Variants in RAB7A observed in about 807,000 individuals in gnomAD.
RAB7A encodes ras-related protein Rab-7a.
A neutral mutation model predicts 24.5 loss-of-function variants in RAB7A; 2 were observed. The ratio of observed to expected loss-of-function variants is 0.08; its 90% CI spans 0.03 to 0.26. The LOEUF is 0.26. Ranked by LOEUF, RAB7A falls within the 10% of genes least tolerant of loss-of-function variation. The pLI, the probability that RAB7A is intolerant of heterozygous loss-of-function variation, is 1.00. For synonymous variants in RAB7A, 100 were observed against 95.9 expected (o/e 1.04, Z -0.25); for missense variants, 118 against 255.7 (o/e 0.46, Z 3.67).
Position 128,813,656 on chromosome 3 carries a change from T to A in RAB7A, c.*234T>A. 1.8e-6 allele frequency: 1 copy of A among 560,090 alleles called. No homozygotes were observed. The allele number at this position is 560,090 out of a possible 1,614,324, so 34.7% of individuals were successfully genotyped here. On this transcript the variant is annotated 3_prime_UTR_variant, in exon 6 of 6. Transcript: ENST00000265062. ...ATCAAACTCCAGCCCTTGCCCGTGATGGCTCCTTGGGGTCTGCCTGCCCAC... is the reference window on the plus strand; with the variant it reads ...ATCAAACTCCAGCCCTTGCCCGTGAAGGCTCCTTGGGGTCTGCCTGCCCAC...
chr3:128,750,482 G>A (rs58856427), intron 1 of RAB7A, among the ~76,000 whole-genome samples: 3 of 152,148 alleles, frequency 2.0e-5, no homozygotes, highest in South Asian at 2.1e-4. Flanking sequence ...GGCTGGTCTC[G>A]AACTCCTGAC....
At chr3:128,744,933 G>A (rs917208117) in intron 1 of RAB7A, among the ~76,000 whole-genome samples, 5 of 150,264 alleles carry the variant, frequency 3.3e-5, no homozygotes, top group Non-Finnish European at 7.4e-5. Flanking sequence ...GAGTTTAGTG[G>A]TGCGATCTCG....
chr3:128,794,049 G>A (rs1933517818), intron 1 of RAB7A, among the ~76,000 whole-genome samples: 1 of 152,186 alleles, frequency 6.6e-6, no homozygotes, highest in African/African-American at 2.4e-5. Flanking sequence ...CAGTAGTCAG[G>A]TCTGATATTT....
At chr3:128,808,518 C>T (rs997235602) in intron 5 of RAB7A, among the ~76,000 whole-genome samples, 1 of 152,160 alleles carries the variant, frequency 6.6e-6, no homozygotes, top group African/African-American at 2.4e-5. Context: ...TCCTTAGGAA[C>T]AGTTAAGTAA....
At chr3:128,738,633 G>A (rs780448639) in intron 1 of RAB7A, among the ~76,000 whole-genome samples, 1 of 152,310 alleles carries the variant, frequency 6.6e-6, no homozygotes, top group Non-Finnish European at 1.5e-5. Context: ...CCTGGGGCTT[G>A]CCACAGATTA....
chr3:128,795,267 A>G (rs1457156994), intron 1 of RAB7A, 93 bp from the exon 2 acceptor site: 3 of 1,052,598 alleles, frequency 2.9e-6, no homozygotes, highest in Non-Finnish European at 3.0e-6. Flanking sequence ...AGGGCCCTGC[A>G]CTGTTGGGGC....
chr3:128,780,989 A>G (rs559163226), intron 1 of RAB7A, among the ~76,000 whole-genome samples: 1 of 152,316 alleles, frequency 6.6e-6, no homozygotes, highest in East Asian at 1.9e-4. Flanking sequence ...TCAAATGACA[A>G]GGGTCTTATG....
chr3:128,754,671 A>G (rs1215540433), intron 1 of RAB7A, among the ~76,000 whole-genome samples: 1 of 152,210 alleles, frequency 6.6e-6, no homozygotes, highest in Non-Finnish European at 1.5e-5. Context: ...CCCACTTTAG[A>G]TGAAAGACAA....
chr3:128,740,709 A>G (rs1455023677), intron 1 of RAB7A, among the ~76,000 whole-genome samples: 1 of 151,202 alleles, frequency 6.6e-6, no homozygotes, highest in African/African-American at 2.4e-5. Flanking sequence ...CAGCCTAGGC[A>G]ACATGGTAAG....
intron 1 of RAB7A, among the ~76,000 whole-genome samples, chr3:128,763,704 C>A (rs1011377233): frequency 1.3e-5 from 2 of 152,150 alleles, no homozygotes; most frequent in Admixed American, 1.3e-4. Context: ...TGGGGTAATA[C>A]TTTGGTGCCA....
At chr3:128,764,915 A>G (rs2107598026) in intron 1 of RAB7A, 2 of 1,575,924 alleles carry the variant, frequency 1.3e-6, no homozygotes, top group Middle Eastern at 2.1e-4. Context: ...ACGGACAGGT[A>G]AACGTAGGAG....
chr3:128,780,141 T>A (rs1933186698), intron 1 of RAB7A, among the ~76,000 whole-genome samples: 1 of 152,198 alleles, frequency 6.6e-6, no homozygotes, highest in Admixed American at 6.5e-5. Context: ...GCCTTATGAT[T>A]CTAATGTCAG....
At chr3:128,779,986 T>A (rs1933184194) in intron 1 of RAB7A, among the ~76,000 whole-genome samples, 1 of 152,174 alleles carries the variant, frequency 6.6e-6, no homozygotes, top group African/African-American at 2.4e-5. Flanking sequence ...GTGGAGATTG[T>A]TGATTGGTCA....
intron 3 of RAB7A, chr3:128,798,821 TAAAAAAAAAAAAA>T (rs56925997): frequency 1.3e-5 from 2 of 150,594 alleles, no homozygotes; most frequent in South Asian, 9.1e-5. Flanking sequence ...TCTCTAAATT[TAAAAAAAAAAAAA>T]AAAAAAAAAA....
At chr3:128,737,684 G>T in intron 1 of RAB7A, among the ~76,000 whole-genome samples, 1 of 146,816 alleles carries the variant, frequency 6.8e-6, no homozygotes. Context: ...GTCTCACTCT[G>T]TCACTCAGGC....
At chr3:128,807,284 T>C (rs1365752095) in intron 4 of RAB7A, among the ~76,000 whole-genome samples, 1 of 152,164 alleles carries the variant, frequency 6.6e-6, no homozygotes, top group Non-Finnish European at 1.5e-5. Flanking sequence ...GGCTTTTAAG[T>C]ATAACTGAGG....
chr3:128,796,543 T>TA (rs1933581214), intron 2 of RAB7A, among the ~76,000 whole-genome samples: 1 of 152,210 alleles, frequency 6.6e-6, no homozygotes, highest in Admixed American at 6.5e-5. Context: ...TATGTATTTT[T>TA]AAAAATAACA....
Position 128,795,374 on chromosome 3 carries a change from T to C in RAB7A, c.7T>C (p.Ser3Pro). 1 of 1,613,308 alleles carries C rather than the reference T, an allele frequency of 6.2e-7. No individual in the cohort carries two copies. The highest frequency in any genetic ancestry group is 2.2e-5 in the East Asian group (1 of 44,876). MTSRKKVLLKVII... is the reference protein window; with the variant it reads MTPRKKVLLKVII... ...TCCCCCTTTAGTTTGAAGGATGACC[T>C]CTAGGAAGAAAGTGTTGCTGAAGGT... Residue 3 changes from serine to proline, a missense_variant, in exon 2 of 6, where the codon TCT becomes CCT. Ser to Pro is a moderately conservative substitution (Grantham distance 74, BLOSUM62 -1). Around this residue, in one of 2 missense-constraint regions of RAB7A, gnomAD observed 52 missense variants for 173.5 expected, o/e 0.30. Coordinates refer to ENST00000265062, the MANE Select transcript of RAB7A (RefSeq NM_004637.6).
At chr3:128,735,373 A>T (rs776153905) in intron 1 of RAB7A, among the ~76,000 whole-genome samples, 1 of 152,224 alleles carries the variant, frequency 6.6e-6, no homozygotes, top group African/African-American at 2.4e-5. Flanking sequence ...CAGGCACTGC[A>T]ATCCCTTGTT....
Sources: gnomAD v4.1 joint callset for allele counts (sites outside exome capture counted in the v4.1 genomes callset) on GRCh38, gnomAD v4.1.1 for gene constraint, gnomAD v4.1.1 regional missense constraint, MANE v1.5 for transcripts, NCBI Gene and HGNC (gene_info 2026-07-23, HGNC 2026-07-21) for gene names.